PCDHA6: variants seen among roughly 807,000 people sequenced by gnomAD.
PCDHA6 encodes protocadherin alpha 6.
PCDHA6 carries 55 observed loss-of-function variants against 60.3 expected under a neutral mutation model. The ratio of observed to expected loss-of-function variants is 0.91; its 90% confidence interval spans 0.73 to 1.14. The LOEUF (loss-of-function observed/expected upper bound fraction) is 1.14, where lower values mean the gene tolerates loss of function less well. PCDHA6 is among the 50% of genes most tolerant of loss of function. The pLI is 0.00. For missense variants in PCDHA6, 1,327 were observed against 1,256.5 expected (o/e 1.06, Z -0.85); for synonymous variants, 652 against 557.9 (o/e 1.17, Z -2.38).
chr5:140,841,865 G>A, intron 1 of PCDHA6: 1 of 1,613,856 alleles, frequency 6.2e-7, no homozygotes, highest in Non-Finnish European at 8.5e-7. Context: ...CATGCTAGAT[G>A]TGAATTCAAA....
chr5:140,941,475 C>T (rs1554214513), intron 1 of PCDHA6, among the ~76,000 whole-genome samples: 1 of 151,578 alleles, frequency 6.6e-6, no homozygotes, highest in Non-Finnish European at 1.5e-5. Context: ...ACCACCACGC[C>T]TGGCTAATTT....
At chr5:140,904,443 A>G (rs1345999576) in intron 1 of PCDHA6, among the ~76,000 whole-genome samples, 8 of 151,082 alleles carry the variant, frequency 5.3e-5, no homozygotes, top group African/African-American at 1.5e-4. Flanking sequence ...GTATATTACA[A>G]TTTCTTTATA....
chr5:140,842,799 C>T lies in PCDHA6; in HGVS notation c.2394+12314C>T, dbSNP rs2150344737. ...CAGGAGAACGCGCTGGTGTCCTACT[C>T]GCTTGTGGAGCGGCGGGTGGGCGAG... On this transcript the variant is annotated intron_variant, in intron 1 of 3. Coordinates refer to ENST00000529310, the MANE Select transcript of PCDHA6 (RefSeq NM_018909.4). 1.6e-5 allele frequency: 25 copies of T among 1,594,312 alleles called. 3 individuals carry two copies. Among genetic ancestry groups the T allele is most frequent in the Non-Finnish European group, 1.7e-5 (20 of 1,165,456 alleles).
At chr5:140,967,702 C>T (rs1563368615) in intron 1 of PCDHA6, 3 of 1,614,162 alleles carry the variant, frequency 1.9e-6, no homozygotes, top group Middle Eastern at 3.3e-4. Flanking sequence ...GCATAGATGC[C>T]AGTACCGGGG....
rs183652630 is a variant in PCDHA6 at position 140,854,028 on chromosome 5, G to A, written c.2394+23543G>A. 2.2e-3 allele frequency: 685 copies of A among 307,422 alleles called. 24 individuals are homozygous for A. The highest frequency in any genetic ancestry group is 3.0e-3 in the Non-Finnish European group (614 of 202,590). 19.0% of individuals were successfully genotyped at this position (307,422 alleles called of 1,614,324 possible). A position where few individuals can be genotyped will look rare whatever the true frequency, so the allele number is the denominator to read the frequency against. On this transcript the variant is annotated intron_variant, in intron 1 of 3. Transcript: ENST00000529310. ...AAAAAAAAAATTAGCCGGGCATGGTGGCACACATCTCTAGTCCCAATTACT... is the reference window on the plus strand; with the variant it reads ...AAAAAAAAAATTAGCCGGGCATGGTAGCACACATCTCTAGTCCCAATTACT...
intron 1 of PCDHA6, chr5:140,967,972 G>C: frequency 1.2e-6 from 2 of 1,614,190 alleles, no homozygotes; most frequent in Non-Finnish European, 1.7e-6. Flanking sequence ...AAGTGAGCCT[G>C]GGTCTGGAGG....
intron 1 of PCDHA6, chr5:140,866,442 T>C (rs2049360062): frequency 6.6e-6 from 1 of 151,872 alleles, no homozygotes; most frequent in Non-Finnish European, 1.5e-5. Flanking sequence ...TCTTCTTCAG[T>C]CTTATTGTTG....
Position 140,843,085 on chromosome 5 carries a change from C to T in PCDHA6, c.2394+12600C>T, listed in dbSNP as rs2150352201. 8.1e-6 allele frequency: 13 copies of T among 1,595,414 alleles called. 1 individual carries two copies. In the African/African-American group the frequency reaches 1.1e-4, roughly 13 times the overall value. ...TGGTGCCGCGGTCTGTGGGCGCGGGCCACGTGGTAGCGAAGGTGCGCGCAG... is the reference window on the plus strand; with the variant it reads ...TGGTGCCGCGGTCTGTGGGCGCGGGTCACGTGGTAGCGAAGGTGCGCGCAG... On this transcript the variant is annotated intron_variant, in intron 1 of 3. Coordinates refer to ENST00000529310, the MANE Select transcript of PCDHA6 (RefSeq NM_018909.4).
At chr5:140,982,074 T>TAGAGAACCTAGGAACA (rs1554243726) in intron 2 of PCDHA6, among the ~76,000 whole-genome samples, 1 of 151,090 alleles carries the variant, frequency 6.6e-6, no homozygotes, top group Non-Finnish European at 1.5e-5. Flanking sequence ...TTCTTTAGAG[T>TAGAGAACCTAGGAACA]AGAGAACCTA....
In PCDHA6 at chr5:140,868,769, A is replaced by G. The variant is rs144958028; in HGVS notation, c.2394+38284A>G. 95 of 255,700 alleles carry G rather than the reference A, an allele frequency of 3.7e-4. No individual in the cohort carries two copies. In the Middle Eastern group the frequency reaches 9.0e-3, roughly 24 times the overall value. 15.8% of individuals were successfully genotyped at this position (255,700 alleles called of 1,614,324 possible). On this transcript the variant is annotated intron_variant, in intron 1 of 3. Coordinates refer to ENST00000529310, the MANE Select transcript of PCDHA6 (RefSeq NM_018909.4). ...CCATTTCCATATATATTTAGTTTCA[A>G]TATGACTTATAATCTGAATATTCCA... is the stretch of plus-strand genomic sequence containing the variant.
chr5:140,921,406 C>T (rs1436249655), intron 1 of PCDHA6, among the ~76,000 whole-genome samples: 8 of 152,092 alleles, frequency 5.3e-5, no homozygotes, highest in African/African-American at 1.9e-4. Flanking sequence ...CTAGATTTTC[C>T]TCTGTGCTGC....
At chr5:140,907,197 A>G (rs2073229380) in intron 1 of PCDHA6, among the ~76,000 whole-genome samples, 1 of 152,166 alleles carries the variant, frequency 6.6e-6, no homozygotes, top group Non-Finnish European at 1.5e-5. Context: ...AACCTTCTGG[A>G]GAATTTTGCC....
intron 1 of PCDHA6, chr5:140,967,806 G>A (rs1406839046): frequency 8.1e-6 from 13 of 1,614,180 alleles, no homozygotes; most frequent in Non-Finnish European, 1.1e-5. Flanking sequence ...CCCATGGCAG[G>A]TCACTGCAAG....
At chr5:140,842,693 C>A in intron 1 of PCDHA6, 1 of 1,595,288 alleles carries the variant, frequency 6.3e-7, no homozygotes. Context: ...GTTCGCGCAG[C>A]CCGAGTACAC....
chr5:140,946,886 C>G (rs1304455156), intron 1 of PCDHA6, among the ~76,000 whole-genome samples: 1 of 151,128 alleles, frequency 6.6e-6, no homozygotes, highest in African/African-American at 2.4e-5. Context: ...TACGAAGTTA[C>G]AATTAGATAG....
chr5:140,874,929 G>A lies in PCDHA6; in HGVS notation c.2394+44444G>A, dbSNP rs1554167415. Among the ~76,000 whole-genome samples, 6 of 152,304 alleles carry A rather than the reference G, an allele frequency of 3.9e-5. 1 individual carries two copies. On this transcript the variant is annotated intron_variant, in intron 1 of 3. Transcript: ENST00000529310. ...GATGGAGTGCTTGTGAAGGTTAAAA[G>A]TTATTGAAACAGCGGAATTGTAAGC...
At chr5:140,863,101 C>T in intron 1 of PCDHA6, 1 of 580,234 alleles carries the variant, frequency 1.7e-6, no homozygotes, top group Non-Finnish European at 3.4e-6. Flanking sequence ...GACGAGTACC[C>T]TGGACGAGGC....
At chr5:140,862,744 C>T in intron 1 of PCDHA6, 1 of 577,744 alleles carries the variant, frequency 1.7e-6, no homozygotes, top group South Asian at 1.4e-5. Flanking sequence ...TGTGTGGGTG[C>T]ACGCGGAGAG....
chr5:140,869,432 T>C (rs1562628312), intron 1 of PCDHA6: 3 of 1,614,192 alleles, frequency 1.9e-6, no homozygotes, highest in Non-Finnish European at 2.5e-6. Context: ...GAGGTGATCG[T>C]GGACAGGCCG....
Sources: allele counts gnomAD v4.1 joint callset (sites outside exome capture counted in the v4.1 genomes callset), GRCh38; gene constraint gnomAD v4.1.1; transcripts MANE v1.5; gene names NCBI Gene and HGNC (gene_info 2026-07-23, HGNC 2026-07-21).